Variants in CD109 observed in about 807,000 individuals in gnomAD.
The protein encoded by CD109 is CD109 antigen.
Under a neutral mutation model 165.8 loss-of-function variants are expected in CD109, and 149 were observed. That is an observed-to-expected ratio of 0.90 (90% CI 0.79 to 1.03). The LOEUF (loss-of-function observed/expected upper bound fraction) is 1.03, where lower values mean the gene tolerates loss of function less well. Ranked by LOEUF, CD109 falls within the 50% of genes least tolerant of loss-of-function variation. The pLI is 0.00. For missense variants in CD109, 1,712 were observed against 1,677.8 expected (o/e 1.02, Z -0.36); for synonymous variants, 585 against 592.1 (o/e 0.99, Z 0.18).
At chr6:73,760,848 A>G (rs920416770) in intron 7 of CD109, among the ~76,000 whole-genome samples, 1 of 151,990 alleles carries the variant, frequency 6.6e-6, no homozygotes, top group Non-Finnish European at 1.5e-5. Flanking sequence ...CTGTCTCAAA[A>G]AATAAAATAA....
chr6:73,696,047 A>G (rs1369460079), upstream of CD109: 1 of 630,792 alleles, frequency 1.6e-6, no homozygotes, highest in Non-Finnish European at 2.8e-6. Context: ...GGAGCCTCCA[A>G]GTCCTGTCTC....
intron 2 of CD109, 78 bp from the exon 3 acceptor site, chr6:73,723,173 G>A: frequency 6.2e-6 from 10 of 1,603,202 alleles, no homozygotes; most frequent in Non-Finnish European, 8.5e-6. Context: ...AGAGTATTGG[G>A]AGAGTTTTGG....
At chr6:73,782,785 C>A in intron 18 of CD109, 30 bp downstream of exon 18, 1 of 1,605,212 alleles carries the variant, frequency 6.2e-7, no homozygotes, top group Non-Finnish European at 8.5e-7. Context: ...TTTGCCCATA[C>A]ATATTTTGTT....
In CD109 at chr6:73,729,918, A is replaced by G. The variant is rs1266461878; in HGVS notation, c.277-426A>G. Reference sequence around the variant, plus strand: ...TGCATTAGGAGAATGCATCTCAGAAAACAGGTTGAGAGAATATAGCAAGAA... The same window carrying G: ...TGCATTAGGAGAATGCATCTCAGAAGACAGGTTGAGAGAATATAGCAAGAA... On this transcript the variant is annotated intron_variant, in intron 3 of 32. Transcript: ENST00000287097. Among the ~76,000 whole-genome samples, 3 of 152,318 alleles carry G rather than the reference A, an allele frequency of 2.0e-5. No individual in the cohort carries two copies. The East Asian group carries it at 5.8e-4, about 29-fold the overall frequency.
chr6:73,725,426 G>C (rs1772098308), intron 3 of CD109, among the ~76,000 whole-genome samples: 1 of 150,770 alleles, frequency 6.6e-6, no homozygotes, highest in Admixed American at 6.6e-5. Context: ...GCAAGGGCAT[G>C]AGAGTTTCTT....
Position 73,696,210 on chromosome 6 carries a change from G to A in CD109, c.-6G>A. The A allele has an allele frequency of 2.6e-6, 4 of 1,545,808 alleles. No individual in the cohort carries two copies. In the South Asian group the frequency reaches 3.6e-5, roughly 14 times the overall value. On this transcript the variant is annotated 5_prime_UTR_variant, in exon 1 of 33. Coordinates refer to ENST00000287097, the MANE Select transcript of CD109 (RefSeq NM_133493.5). ...GCGGACTGTAGCCCAGGCAGACGCCGTCGAGATGCAGGGCCCACCGCTCCT... is the reference window on the plus strand; with the variant it reads ...GCGGACTGTAGCCCAGGCAGACGCCATCGAGATGCAGGGCCCACCGCTCCT...
the CD109 span, among the ~76,000 whole-genome samples, chr6:73,679,283 C>G: frequency 6.6e-6 from 1 of 151,806 alleles, no homozygotes; most frequent in Admixed American, 6.6e-5. Context: ...GCAAGTCCAG[C>G]CAGGATGGAT....
chr6:73,778,002 T>C (rs1183697555), intron 15 of CD109, among the ~76,000 whole-genome samples: 1 of 152,250 alleles, frequency 6.6e-6, no homozygotes, highest in African/African-American at 2.4e-5. Context: ...CTTTGGGCAG[T>C]ATGGCCATTT....
chr6:73,781,325 T>G lies in CD109; in HGVS notation c.1963+6T>G, dbSNP rs747189982. 1.2e-6 allele frequency: 2 copies of G among 1,608,932 alleles called. No homozygotes were observed. Among genetic ancestry groups the G allele is most frequent in the Non-Finnish European group, 1.7e-6 (2 of 1,175,430 alleles). On this transcript the variant is annotated splice_donor_region_variant and intron_variant, in intron 17 of 32. Transcript: ENST00000287097. ...GGATTATATTGATGGTGTTTGTAAG[T>G]AATACATGGCGACATGCTTGTATTT...
intron 24 of CD109, among the ~76,000 whole-genome samples, chr6:73,805,022 A>G (rs1455785432): frequency 6.6e-6 from 1 of 152,338 alleles, no homozygotes; most frequent in East Asian, 1.9e-4. Flanking sequence ...GAAGTTGTGG[A>G]GAGATAGGAA....
intron 2 of CD109, among the ~76,000 whole-genome samples, chr6:73,713,409 A>G (rs1178448398): frequency 6.6e-6 from 1 of 151,694 alleles, no homozygotes; most frequent in Non-Finnish European, 1.5e-5. Flanking sequence ...GAGTCTTTGT[A>G]TTTTGTATTT....
Position 73,788,530 on chromosome 6 carries a change from A to G in CD109, c.2619A>G (p.Leu873=). Residue 873 remains leucine, a synonymous_variant, in exon 22 of 33, where the codon CTA becomes CTG. Coordinates refer to ENST00000287097, the MANE Select transcript of CD109 (RefSeq NM_133493.5). The stretch of plus-strand genomic sequence containing the variant: ...TATTAGACTTGACTGACAATAGGCT[A>G]CAGAGTACCCTGAAAACTTTGAGTT... ...SILLDLTDNR[L]QSTLKTLSFS... is the part of the protein sequence containing the mutation. 1 of 1,613,230 alleles carries G rather than the reference A, an allele frequency of 6.2e-7. No homozygotes were observed. Among genetic ancestry groups the G allele is most frequent in the Non-Finnish European group, 8.5e-7 (1 of 1,179,526 alleles).
At chr6:73,781,448 A>G (rs1321089157) in intron 17 of CD109, 129 bp downstream of exon 17, 1 of 751,880 alleles carries the variant, frequency 1.3e-6, no homozygotes. Flanking sequence ...TCTTCTCCCA[A>G]AATGTTTGGA....
chr6:73,698,983 AAAC>A (rs1770956971), intron 2 of CD109, among the ~76,000 whole-genome samples: 1 of 152,226 alleles, frequency 6.6e-6, no homozygotes. Context: ...GGCATGCAAT[AAAC>A]AACAATTGCT....
intron 2 of CD109, among the ~76,000 whole-genome samples, chr6:73,719,430 G>T (rs543684566): frequency 1.3e-5 from 2 of 152,078 alleles, no homozygotes; most frequent in Non-Finnish European, 2.9e-5. Flanking sequence ...TGAATTCCAC[G>T]ATTCCTTCTA....
upstream of CD109, among the ~76,000 whole-genome samples, chr6:73,692,342 G>T (rs996724700): frequency 3.3e-5 from 5 of 152,026 alleles, no homozygotes; most frequent in Admixed American, 6.6e-5. Flanking sequence ...GAAGTTTTAT[G>T]CAAAAGAGCT....
At chr6:73,746,626 C>G (rs1477669951) in intron 5 of CD109, among the ~76,000 whole-genome samples, 1 of 151,330 alleles carries the variant, frequency 6.6e-6, no homozygotes, top group African/African-American at 2.4e-5. Flanking sequence ...ACAAGTTTGT[C>G]CCTTGTACTG....
At chr6:73,710,960 C>G (rs1444423958) in intron 2 of CD109, among the ~76,000 whole-genome samples, 1 of 152,178 alleles carries the variant, frequency 6.6e-6, no homozygotes, top group Admixed American at 6.5e-5. Context: ...ATTTTGAGTT[C>G]ATATAATTTT....
At chr6:73,820,317 G>A (rs781281656) in intron 31 of CD109, 144 bp from the exon 32 acceptor site, 6 of 546,314 alleles carry the variant, frequency 1.1e-5, no homozygotes, top group Non-Finnish European at 2.0e-5. Flanking sequence ...TTCATAGGAA[G>A]TACTTACTGC....
Sources: allele counts gnomAD v4.1 joint callset (sites outside exome capture counted in the v4.1 genomes callset), GRCh38; gene constraint gnomAD v4.1.1; transcripts MANE v1.5; gene names NCBI Gene and HGNC (gene_info 2026-07-23, HGNC 2026-07-21).